Variants in LAPTM4B observed in about 807,000 individuals in gnomAD.
The protein encoded by LAPTM4B is lysosomal protein transmembrane 4 beta.
LAPTM4B carries 26 observed loss-of-function variants against 28.5 expected under a neutral mutation model. The observed-to-expected ratio is 0.91, with a 90% CI of 0.67 to 1.27. The LOEUF (loss-of-function observed/expected upper bound fraction) is 1.27, where lower values mean the gene tolerates loss of function less well. Among genes scored for constraint, LAPTM4B ranks in the 50% most tolerant of loss-of-function variants. LAPTM4B has a pLI of 0.00. For missense variants in LAPTM4B, 288 were observed against 285.8 expected, an observed-to-expected ratio of 1.01 and a Z score of -0.06; for synonymous variants, 109 against 106.4, an observed-to-expected ratio of 1.02 and a Z score of -0.15.
chr8:97,776,162 G>A, intron 1 of LAPTM4B, 54 bp downstream of exon 1: 1 of 1,498,210 alleles, frequency 6.7e-7, no homozygotes, highest in Non-Finnish European at 8.9e-7. Flanking sequence ...GCCCCTAGCT[G>A]GGCTTCTGGC....
intron 2 of LAPTM4B, among the ~76,000 whole-genome samples, chr8:97,805,736 G>A (rs1372368706): frequency 6.6e-6 from 1 of 152,110 alleles, no homozygotes; most frequent in East Asian, 1.9e-4. Flanking sequence ...TTTTTGAGAG[G>A]AAGGGGTATA....
intron 4 of LAPTM4B, among the ~76,000 whole-genome samples, chr8:97,816,543 C>T (rs1206830880): frequency 6.6e-6 from 1 of 152,074 alleles, no homozygotes; most frequent in East Asian, 1.9e-4. Flanking sequence ...GTGATCCACC[C>T]ATCTTGGCCT....
chr8:97,812,023 C>T (rs1816836685), intron 2 of LAPTM4B, among the ~76,000 whole-genome samples: 1 of 151,872 alleles, frequency 6.6e-6, no homozygotes, highest in Admixed American at 6.6e-5. Flanking sequence ...CCAAGTTGGT[C>T]TTGAACTCCT....
chr8:97,791,934 C>T (rs1816503451), intron 1 of LAPTM4B, among the ~76,000 whole-genome samples: 1 of 151,990 alleles, frequency 6.6e-6, no homozygotes, highest in Non-Finnish European at 1.5e-5. Context: ...TAGTTCATCA[C>T]CTATGAGGAA....
chr8:97,849,128 C>G (rs4452774), intron 6 of LAPTM4B, among the ~76,000 whole-genome samples: 47,244 of 152,056 alleles, frequency 0.31, 8,295 homozygotes, highest in Non-Finnish European at 0.41. Context: ...CAGAAAGTGC[C>G]CTGTGTCCTG....
intron 1 of LAPTM4B, among the ~76,000 whole-genome samples, chr8:97,777,135 AG>A (rs1816231666): frequency 2.4e-5 from 2 of 83,336 alleles, no homozygotes; most frequent in Non-Finnish European, 5.1e-5. Context: ...TTTTTCAGTG[AG>A]GTTTTTTTTT....
intron 1 of LAPTM4B, among the ~76,000 whole-genome samples, chr8:97,801,997 A>AAAC (rs1816691100): frequency 6.6e-6 from 1 of 152,144 alleles, no homozygotes; most frequent in African/African-American, 2.4e-5. Flanking sequence ...TTTTCTTCAG[A>AAAC]TAGTTTTGTT....
At chr8:97,798,398 C>G (rs529694107) in intron 1 of LAPTM4B, among the ~76,000 whole-genome samples, 2 of 152,244 alleles carry the variant, frequency 1.3e-5, no homozygotes, top group Non-Finnish European at 2.9e-5. Context: ...TGGTGGTTCA[C>G]AGACCTTCTT....
At chr8:97,826,629 C>T (rs1165695984) in intron 6 of LAPTM4B, among the ~76,000 whole-genome samples, 1 of 152,084 alleles carries the variant, frequency 6.6e-6, no homozygotes, top group Non-Finnish European at 1.5e-5. Context: ...CTGCCTCAGC[C>T]TGCCGAGTAG....
intron 4 of LAPTM4B, among the ~76,000 whole-genome samples, chr8:97,818,511 AG>A (rs1170043999): frequency 6.6e-6 from 1 of 152,192 alleles, no homozygotes; most frequent in Non-Finnish European, 1.5e-5. Context: ...CCTCCTGAAA[AG>A]GTTCCCTTTG....
chr8:97,819,096 G>T, intron 4 of LAPTM4B, 44 bp from the exon 5 acceptor site: 2 of 1,171,474 alleles, frequency 1.7e-6, no homozygotes, highest in South Asian at 1.3e-5. Context: ...ATACTGTCTG[G>T]AATGATTAAT....
intron 6 of LAPTM4B, among the ~76,000 whole-genome samples, chr8:97,827,574 G>T (rs1362304106): frequency 6.6e-6 from 1 of 152,198 alleles, no homozygotes; most frequent in African/African-American, 2.4e-5. Context: ...AGCTCCTGAG[G>T]CCCAGACTTG....
chr8:97,824,765 T>C (rs772538229), intron 5 of LAPTM4B, among the ~76,000 whole-genome samples: 1 of 152,190 alleles, frequency 6.6e-6, no homozygotes, highest in East Asian at 1.9e-4. Context: ...CAGACACTTA[T>C]TCTTAGAAAT....
At chr8:97,845,433 G>C (rs1817413225) in intron 6 of LAPTM4B, among the ~76,000 whole-genome samples, 2 of 151,016 alleles carry the variant, frequency 1.3e-5, no homozygotes, top group Admixed American at 6.6e-5. Flanking sequence ...TATTAATAAT[G>C]CTATTTTCCA....
chr8:97,849,329 G>A (rs1027055077), intron 6 of LAPTM4B, among the ~76,000 whole-genome samples: 5 of 152,132 alleles, frequency 3.3e-5, no homozygotes, highest in African/African-American at 4.8e-5. Flanking sequence ...GCAGGCCCCT[G>A]AACAGACAGT....
chr8:97,815,012 G>T (rs145383817), intron 2 of LAPTM4B, among the ~76,000 whole-genome samples: 1 of 152,128 alleles, frequency 6.6e-6, no homozygotes, highest in African/African-American at 2.4e-5. Flanking sequence ...TTTTAAATAA[G>T]ATCGGAAGCT....
At chr8:97,815,544 AG>A in intron 3 of LAPTM4B, 143 bp downstream of exon 3, 1 of 675,404 alleles carries the variant, frequency 1.5e-6, no homozygotes, top group East Asian at 2.7e-5. Flanking sequence ...ATGTGGTACT[AG>A]GAAAACCAAT....
chr8:97,834,157 A>AAAAAAAAAAAAAAAAAAAAAAAAAAAAAC (rs1277824910), intron 6 of LAPTM4B, among the ~76,000 whole-genome samples: 2 of 150,234 alleles, frequency 1.3e-5, no homozygotes, highest in Non-Finnish European at 3.0e-5. Flanking sequence ...AAAAAAAAAA[A>AAAAAAAAAAAAAAAAAAAAAAAAAAAAAC]ATCCAGGTGG....
At chr8:97,844,658 C>A (rs554001820) in intron 6 of LAPTM4B, among the ~76,000 whole-genome samples, 1 of 152,308 alleles carries the variant, frequency 6.6e-6, no homozygotes, top group African/African-American at 2.4e-5. Flanking sequence ...CTCCCCCTTG[C>A]TTTACTTAGT....
Sources: gnomAD v4.1 joint callset for allele counts (sites outside exome capture counted in the v4.1 genomes callset) on GRCh38, gnomAD v4.1.1 for gene constraint, MANE v1.5 for transcripts, NCBI Gene and HGNC (gene_info 2026-07-23, HGNC 2026-07-21) for gene names.